The following PTPRT variants were observed in gnomAD, a reference collection of about 807,000 sequenced individuals.
PTPRT encodes the protein receptor-type tyrosine-protein phosphatase T.
A neutral mutation model predicts 176.8 loss-of-function variants in PTPRT; 56 were observed. The observed-to-expected ratio is 0.32, with a 90% CI of 0.26 to 0.40. The LOEUF (loss-of-function observed/expected upper bound fraction) is 0.40. PTPRT is among the 10% of genes least tolerant of loss of function. The pLI is 1.00. For missense variants in PTPRT, 1,540 were observed against 1,908.2 expected, an observed-to-expected ratio of 0.81 and a Z score of 3.60; for synonymous variants, 783 against 739.0, an observed-to-expected ratio of 1.06 and a Z score of -0.96.
chr20:42,402,882 A>T (rs2058923035), intron 9 of PTPRT, among the ~76,000 whole-genome samples: 1 of 152,032 alleles, frequency 6.6e-6, no homozygotes, highest in Non-Finnish European at 1.5e-5. Flanking sequence ...GTATATGTTC[A>T]TGCATGAGCA....
intron 7 of PTPRT, among the ~76,000 whole-genome samples, chr20:42,521,138 C>T (rs1216050584): frequency 6.6e-6 from 1 of 152,054 alleles, no homozygotes; most frequent in Non-Finnish European, 1.5e-5. Flanking sequence ...CCTACCTACT[C>T]ACCTGTCTAT....
intron 2 of PTPRT, among the ~76,000 whole-genome samples, chr20:42,883,498 G>A (rs1340815684): frequency 1.3e-5 from 2 of 151,994 alleles, no homozygotes; most frequent in Non-Finnish European, 2.9e-5. Context: ...GAGTAGACAG[G>A]GAAGGGGAAA....
At position 42,594,303 on chromosome 20, in the gene PTPRT, G is replaced by A. The variant is rs1411140063; in HGVS notation, c.1153+83563C>T. ...CCTGTCCCACCACGACCATTTCTGAGAAACAGACTCAAGACATGAAAAAAA... is the reference window on the plus strand; with the variant it reads ...CCTGTCCCACCACGACCATTTCTGAAAAACAGACTCAAGACATGAAAAAAA... On this transcript the variant is annotated intron_variant, in intron 7 of 30. Coordinates refer to ENST00000373187, the MANE Select transcript of PTPRT (RefSeq NM_007050.6). Among the ~76,000 whole-genome samples the A allele has an allele frequency of 3.3e-5, 5 of 152,046 alleles. No individual in the cohort carries two copies. In the East Asian group the frequency reaches 9.6e-4, roughly 29 times the overall value.
intron 6 of PTPRT, among the ~76,000 whole-genome samples, chr20:42,741,690 T>G (rs1386007837): frequency 6.6e-6 from 1 of 152,088 alleles, no homozygotes; most frequent in African/African-American, 2.4e-5. Flanking sequence ...CTTGATGACA[T>G]CATGGACTAG....
chr20:42,909,523 G>A (rs1369370900), intron 1 of PTPRT, among the ~76,000 whole-genome samples: 2 of 152,208 alleles, frequency 1.3e-5, no homozygotes, highest in Non-Finnish European at 2.9e-5. Flanking sequence ...AATGGGGATA[G>A]ACTGTGAAGC....
intron 9 of PTPRT, among the ~76,000 whole-genome samples, chr20:42,397,173 C>T (rs6016775): frequency 0.19 from 28,779 of 152,130 alleles, 4,124 homozygotes; most frequent in African/African-American, 0.4. Context: ...ACCTACGATG[C>T]GTATTCATGT....
chr20:42,925,391 G>C (rs578223688), intron 1 of PTPRT, among the ~76,000 whole-genome samples: 1 of 152,232 alleles, frequency 6.6e-6, no homozygotes, highest in South Asian at 2.1e-4. Context: ...CTCCCCTAGG[G>C]TTCTGACCCT....
chr20:42,535,357 A>G (rs1175755982), intron 7 of PTPRT, among the ~76,000 whole-genome samples: 2 of 152,140 alleles, frequency 1.3e-5, no homozygotes, highest in African/African-American at 4.8e-5. Flanking sequence ...AGGATCAAAG[A>G]CTATCTTATA....
rs192778066 is a variant in PTPRT, at chr20:42,099,051, T to C, written c.3715-499A>G. On this transcript the variant is annotated intron_variant, in intron 26 of 30. Transcript: ENST00000373187. Reference sequence around the variant, plus strand: ...CCCTGGCAAGGTGGGCACTGTGTCATGTGAGTCAATGGGGCAGTGGAAAGT... The same window carrying C: ...CCCTGGCAAGGTGGGCACTGTGTCACGTGAGTCAATGGGGCAGTGGAAAGT... Among the ~76,000 whole-genome samples the C allele has an allele frequency of 1.4e-4, 22 of 152,320 alleles. No homozygotes were observed. In the East Asian group the frequency reaches 3.7e-3, roughly 25 times the overall value.
At chr20:42,751,390 T>A (rs2145383251) in intron 6 of PTPRT, among the ~76,000 whole-genome samples, 1 of 152,306 alleles carries the variant, frequency 6.6e-6, no homozygotes, top group Admixed American at 6.5e-5. Context: ...GCTTTCCCGA[T>A]CCAGTAGGGG....
chr20:42,497,449 T>C (rs906312572), intron 7 of PTPRT, among the ~76,000 whole-genome samples: 2 of 152,048 alleles, frequency 1.3e-5, no homozygotes, highest in Non-Finnish European at 2.9e-5. Context: ...TTATCTTGAT[T>C]TTTTTTGGTT....
At chr20:43,099,629 G>A (rs929054863) in intron 1 of PTPRT, among the ~76,000 whole-genome samples, 1 of 151,998 alleles carries the variant, frequency 6.6e-6, no homozygotes, top group Non-Finnish European at 1.5e-5. Flanking sequence ...CAAATGGCAC[G>A]TCCCAGCCCC....
chr20:42,389,681 T>TG (rs1407462164), intron 9 of PTPRT, among the ~76,000 whole-genome samples: 1 of 151,918 alleles, frequency 6.6e-6, no homozygotes, highest in African/African-American at 2.4e-5. Context: ...AATGAGACCC[T>TG]GTCACCACAA....
intron 7 of PTPRT, among the ~76,000 whole-genome samples, chr20:42,561,313 T>G (rs2072947724): frequency 6.6e-6 from 1 of 152,216 alleles, no homozygotes. Flanking sequence ...TGCATAGGGC[T>G]GAGGCCAAGG....
chr20:42,474,824 G>C lies in PTPRT; in HGVS notation c.1154-2262C>G, dbSNP rs190978391. 2.1e-3 allele frequency among the ~76,000 whole-genome samples: 318 copies of C among 152,196 alleles called. 2 individuals are homozygous for C. The highest frequency in any genetic ancestry group is 0.01 in the Middle Eastern group (3 of 292). On this transcript the variant is annotated intron_variant, in intron 7 of 30. Transcript: ENST00000373187. Reference sequence around the variant, plus strand: ...AGCTGGGGCCTGTCCACTTGTCCAGGTGCCAGAACTCTCCTGGCAGAGAGC... The same window carrying C: ...AGCTGGGGCCTGTCCACTTGTCCAGCTGCCAGAACTCTCCTGGCAGAGAGC...
chr20:43,007,417 C>T (rs757370772), intron 1 of PTPRT, among the ~76,000 whole-genome samples: 9 of 152,184 alleles, frequency 5.9e-5, no homozygotes, highest in Non-Finnish European at 1.2e-4. Context: ...GCCATTTTTG[C>T]CTTCATGCGT....
intron 7 of PTPRT, among the ~76,000 whole-genome samples, chr20:42,673,582 A>G (rs1304641661): frequency 6.6e-6 from 1 of 152,112 alleles, no homozygotes; most frequent in Non-Finnish European, 1.5e-5. Flanking sequence ...CCAGCAGATT[A>G]AGTGTCTAGT....
At chr20:42,823,615 A>G (rs1031873582) in intron 2 of PTPRT, among the ~76,000 whole-genome samples, 2 of 152,164 alleles carry the variant, frequency 1.3e-5, no homozygotes, top group African/African-American at 4.8e-5. Flanking sequence ...ATACTCTATT[A>G]GAATAACAGC....
intron 1 of PTPRT, among the ~76,000 whole-genome samples, chr20:43,154,155 C>T (rs931692802): frequency 6.6e-6 from 1 of 152,158 alleles, no homozygotes; most frequent in Admixed American, 6.5e-5. Context: ...CATTTTGGGA[C>T]TTATATTTAA....
Sources: allele counts gnomAD v4.1 joint callset (sites outside exome capture counted in the v4.1 genomes callset), GRCh38; gene constraint gnomAD v4.1.1; transcripts MANE v1.5; gene names NCBI Gene and HGNC (gene_info 2026-07-23, HGNC 2026-07-21).